Variants in PLCL1 observed in about 807,000 individuals in gnomAD.
The protein encoded by PLCL1 is phospholipase C like 1 (inactive), also known as inactive phospholipase C-like protein 1.
A neutral mutation model predicts 84.4 loss-of-function variants in PLCL1; 41 were observed. The observed-to-expected ratio is 0.49, with a 90% CI of 0.38 to 0.63. PLCL1 has a LOEUF of 0.63. Ranked by LOEUF, PLCL1 falls within the 30% of genes least tolerant of loss-of-function variation. The pLI, the probability that PLCL1 is intolerant of heterozygous loss-of-function variation, is 0.00. For missense variants in PLCL1, 1,206 were observed against 1,367.8 expected (o/e 0.88, Z 1.87); for synonymous variants, 490 against 488.3 (o/e 1.00, Z -0.05).
chr2:198,052,525 G>GA (rs568994388), intron 1 of PLCL1, among the ~76,000 whole-genome samples: 1,503 of 135,980 alleles, frequency 0.011, 16 homozygotes, highest in African/African-American at 0.031. Flanking sequence ...TATAGAGGTT[G>GA]AAAAAAAAAA....
intron 1 of PLCL1, among the ~76,000 whole-genome samples, chr2:198,075,184 T>A (rs1214935944): frequency 6.6e-6 from 1 of 152,122 alleles, no homozygotes; most frequent in Non-Finnish European, 1.5e-5. Flanking sequence ...TGTGCAGGGG[T>A]CTCCTGAGGA....
At chr2:197,976,213 C>T (rs1038768070) in intron 1 of PLCL1, among the ~76,000 whole-genome samples, 1 of 152,312 alleles carries the variant, frequency 6.6e-6, no homozygotes. Context: ...TTCATTGCCT[C>T]TCAAGAACTT....
chr2:197,818,426 G>T lies in PLCL1; in HGVS notation c.240+13087G>T, dbSNP rs534124179. Among the ~76,000 whole-genome samples, 3 of 152,190 alleles carry T rather than the reference G, an allele frequency of 2.0e-5. No individual in the cohort carries two copies. In the South Asian group the frequency reaches 6.2e-4, roughly 32 times the overall value. ...AAAGTAGACTTGGAGGTTGGGGCGG[G>T]GGGTGTTTGTGGTTCCTGAAGACAG... On this transcript the variant is annotated intron_variant, in intron 1 of 5. Coordinates refer to ENST00000428675, the MANE Select transcript of PLCL1 (RefSeq NM_006226.4).
intron 1 of PLCL1, among the ~76,000 whole-genome samples, chr2:197,863,677 A>C (rs1340767426): frequency 6.6e-6 from 1 of 152,182 alleles, no homozygotes; most frequent in Non-Finnish European, 1.5e-5. Context: ...ATAGGTGATC[A>C]TCTAATCAAT....
chr2:198,056,737 G>A (rs1326592399), intron 1 of PLCL1, among the ~76,000 whole-genome samples: 1 of 152,072 alleles, frequency 6.6e-6, no homozygotes, highest in Non-Finnish European at 1.5e-5. Flanking sequence ...TGTGCTTACC[G>A]CATTACTAAA....
At chr2:198,139,119 C>T (rs1694323659) in intron 5 of PLCL1, among the ~76,000 whole-genome samples, 1 of 151,934 alleles carries the variant, frequency 6.6e-6, no homozygotes, top group Admixed American at 6.6e-5. Flanking sequence ...CGCACCATTG[C>T]ACTCCAGCCT....
At chr2:198,139,284 A>C (rs1694329290) in intron 5 of PLCL1, among the ~76,000 whole-genome samples, 1 of 152,150 alleles carries the variant, frequency 6.6e-6, no homozygotes, top group Non-Finnish European at 1.5e-5. Flanking sequence ...TGTTATGCCG[A>C]CCTTAATTGA....
intron 1 of PLCL1, among the ~76,000 whole-genome samples, chr2:197,887,791 G>A (rs548754113): frequency 6.6e-6 from 1 of 152,150 alleles, no homozygotes; most frequent in South Asian, 2.1e-4. Context: ...ACAAGCACAT[G>A]AACAATTTAA....
rs1296568799 is a variant in PLCL1 at position 198,089,048 on chromosome 2, C to T, written c.2906C>T (p.Thr969Ile). The change falls in exon 3 of 6, where the codon ACT becomes ATT. Residue 969 changes from threonine to isoleucine, a missense_variant. Coordinates refer to ENST00000428675, the MANE Select transcript of PLCL1 (RefSeq NM_006226.4). ...CCAGATGTGCAGAAAAAGATGCTGA[C>T]TGCTTATGATCTGGTAGGAAATTGC... ...AIPDVQKKML[T>I]AYDLMIQESR... The T allele has an allele frequency of 6.2e-7, 1 of 1,613,238 alleles. No homozygotes were observed.
Position 197,805,055 on chromosome 2 carries a change from CCGGG to C in PLCL1, c.-42_-39del. 7.0e-7 allele frequency: 1 copy of C among 1,418,902 alleles called. No homozygotes were observed. The highest frequency in any genetic ancestry group is 9.2e-7 in the Non-Finnish European group (1 of 1,091,846). 87.9% of individuals were successfully genotyped at this position (1,418,902 alleles called of 1,614,324 possible). A position where few individuals can be genotyped will look rare whatever the true frequency, so the allele number is the denominator to read the frequency against. The stretch of plus-strand genomic sequence containing the variant: ...GGTGCCTAGCGGCTGGACTCCGCTG[CCGGG>C]CGTCCCGCTTTCCCCCGGGGAGCCC... On this transcript the variant is annotated 5_prime_UTR_variant, in exon 1 of 6. Transcript: ENST00000428675. The surrounding 1 kb of genome is among the most constrained non-coding windows in gnomAD (Gnocchi z 4.0).
At chr2:197,882,276 A>G (rs777018063) in intron 1 of PLCL1, among the ~76,000 whole-genome samples, 8 of 152,176 alleles carry the variant, frequency 5.3e-5, no homozygotes, top group Middle Eastern at 3.4e-3. Flanking sequence ...GTTAAGGTAC[A>G]TGCCAAAGAT....
In PLCL1 at chr2:197,927,208, T is replaced by A. The variant is rs145455256; in HGVS notation, c.240+121869T>A. Among the ~76,000 whole-genome samples the A allele has an allele frequency of 5.3e-4, 81 of 152,332 alleles. 5 individuals are homozygous for A. The East Asian group carries it at 0.015, about 29-fold the overall frequency. On this transcript the variant is annotated intron_variant, in intron 1 of 5. Transcript: ENST00000428675. Reference sequence around the variant, plus strand: ...CCATCTTTTTATCTATCACAGTTATTGTCAGAGGGGTGTTAAAGAATAGCA... The same window carrying A: ...CCATCTTTTTATCTATCACAGTTATAGTCAGAGGGGTGTTAAAGAATAGCA...
Position 197,903,211 on chromosome 2 carries a change from T to C in PLCL1, c.240+97872T>C, listed in dbSNP as rs140489498. ...AATGTTTTAGGATTTTCAGAACATA[T>C]GATCTCTATTGCTACTACTTACCAC... is the stretch of plus-strand genomic sequence containing the variant. On this transcript the variant is annotated intron_variant, in intron 1 of 5. Coordinates refer to ENST00000428675, the MANE Select transcript of PLCL1 (RefSeq NM_006226.4). 2.6e-3 allele frequency among the ~76,000 whole-genome samples: 393 copies of C among 152,282 alleles called. 2 individuals are homozygous for C. Among genetic ancestry groups the C allele is most frequent in the African/African-American group, 9.0e-3 (373 of 41,550 alleles).
rs112631242 is a variant in PLCL1, at chr2:197,992,043, AT to A, written c.241-91703del. Among the ~76,000 whole-genome samples, 946 of 141,684 alleles carry A rather than the reference AT, an allele frequency of 6.7e-3. 7 individuals carry two copies. Among genetic ancestry groups the A allele is most frequent in the Middle Eastern group, 0.018 (5 of 278 alleles). The allele number at this position is 141,684 out of a possible 152,430, so 93.0% of individuals were successfully genotyped here. ...GCCCCTTGCTTGCTTCTCAGCATTC[AT>A]TTTTTTTTTTTATGATTAGCAAGAT... On this transcript the variant is annotated intron_variant, in intron 1 of 5. Coordinates refer to ENST00000428675, the MANE Select transcript of PLCL1 (RefSeq NM_006226.4).
chr2:197,865,197 A>G (rs1369397376), intron 1 of PLCL1, among the ~76,000 whole-genome samples: 2 of 152,182 alleles, frequency 1.3e-5, no homozygotes, highest in African/African-American at 2.4e-5. Context: ...CTTTGCTGGG[A>G]GATCTCGCCT....
chr2:197,856,792 T>G (rs1326381309), intron 1 of PLCL1, among the ~76,000 whole-genome samples: 4 of 152,198 alleles, frequency 2.6e-5, no homozygotes, highest in Non-Finnish European at 5.9e-5. Context: ...GCCATTATTT[T>G]GCCATTATTT....
At chr2:197,965,134 A>G (rs1386308782) in intron 1 of PLCL1, among the ~76,000 whole-genome samples, 2 of 152,112 alleles carry the variant, frequency 1.3e-5, no homozygotes, top group African/African-American at 2.4e-5. Flanking sequence ...TAGGAGTAGT[A>G]TTAGTTTTTC....
chr2:198,094,300 A>G (rs1693135680), intron 3 of PLCL1, among the ~76,000 whole-genome samples: 1 of 152,136 alleles, frequency 6.6e-6, no homozygotes. Flanking sequence ...TGACCTCGTG[A>G]TCTGCCCGCC....
At chr2:197,860,408 G>A (rs1687407710) in intron 1 of PLCL1, among the ~76,000 whole-genome samples, 1 of 152,062 alleles carries the variant, frequency 6.6e-6, no homozygotes, top group African/African-American at 2.4e-5. Context: ...TGGGATTGGT[G>A]GGTCAAATGG....
Sources: allele counts gnomAD v4.1 joint callset (sites outside exome capture counted in the v4.1 genomes callset), GRCh38; gene constraint gnomAD v4.1.1; non-coding constraint Gnocchi (gnomAD v3.1); transcripts MANE v1.5; gene names NCBI Gene and HGNC (gene_info 2026-07-23, HGNC 2026-07-21).